PSMA3: variants seen among roughly 807,000 people sequenced by gnomAD.
PSMA3 encodes proteasome subunit alpha type-3.
In PSMA3, 8 loss-of-function variants were observed where a neutral mutation model predicts 40.0. The ratio of observed to expected loss-of-function variants is 0.20; its 90% CI spans 0.12 to 0.36. PSMA3 has a LOEUF of 0.36. Among genes scored for constraint, PSMA3 ranks in the 10% least tolerant of loss-of-function variants. PSMA3 has a pLI of 1.00. For missense variants in PSMA3, 219 were observed against 310.6 expected, an observed-to-expected ratio of 0.70 and a Z score of 2.22; for synonymous variants, 110 against 100.0, an observed-to-expected ratio of 1.10 and a Z score of -0.59.
chr14:58,270,137 TGCCCA>T, intron 8 of PSMA3: 1 of 287,218 alleles, frequency 3.5e-6, no homozygotes. Flanking sequence ...TGAGCCACTG[TGCCCA>T]GCCAAGTTAT....
At position 58,263,732 on chromosome 14, in the gene PSMA3, G is replaced by A; in HGVS notation, c.505G>A (p.Ala169Thr). 6.2e-7 allele frequency: 1 copy of A among 1,613,856 alleles called. No individual in the cohort carries two copies. Among genetic ancestry groups the A allele is most frequent in the Non-Finnish European group, 8.5e-7 (1 of 1,179,940 alleles). The part of the protein sequence containing the change: ...YGYWGCAIGK[A>T]RQAAKTEIEK... Reference sequence around the variant, plus strand: ...TTATTGGGGCTGTGCCATCGGCAAAGCCAGGCAAGCTGCAAAGACGGAAAT... The same window carrying A: ...TTATTGGGGCTGTGCCATCGGCAAAACCAGGCAAGCTGCAAAGACGGAAAT... Residue 169 changes from alanine (A) to threonine (T), a missense_variant, in exon 7 of 11, where the codon GCC becomes ACC. Ala to Thr is a moderately conservative substitution (Grantham distance 58). Coordinates refer to ENST00000216455, the MANE Select transcript of PSMA3 (RefSeq NM_002788.4).
At chr14:58,271,388 G>A (rs1890619535) in intron 10 of PSMA3, among the ~76,000 whole-genome samples, 1 of 136,762 alleles carries the variant, frequency 7.3e-6, no homozygotes, top group Non-Finnish European at 1.5e-5. Context: ...GGAGGGCAGT[G>A]GCACCATCTC....
At chr14:58,251,799 T>G (rs1458418421) in intron 2 of PSMA3, among the ~76,000 whole-genome samples, 1 of 152,240 alleles carries the variant, frequency 6.6e-6, no homozygotes, top group Non-Finnish European at 1.5e-5. Context: ...CATGAATTTA[T>G]GTCAACATTT....
Position 58,249,481 on chromosome 14 carries a change from C to T in PSMA3, c.104+1649C>T, listed in dbSNP as rs138915379. 9.9e-5 allele frequency among the ~76,000 whole-genome samples: 15 copies of T among 152,200 alleles called. No individual in the cohort carries two copies. The East Asian group carries it at 1.9e-3, about 20-fold the overall frequency. ...ATGGGATTACAGGTGTGAGTCACTG[C>T]GCCTGGCTTATTATTCCTTTTTTTT... On this transcript the variant is annotated intron_variant, in intron 2 of 10. Transcript: ENST00000216455.
chr14:58,271,742 G>A (rs971421333), intron 10 of PSMA3, 109 bp from the exon 11 acceptor site: 5 of 741,928 alleles, frequency 6.7e-6, no homozygotes, highest in Admixed American at 4.7e-5. Context: ...TCAGTTACAA[G>A]TAGAGGAATT....
intron 6 of PSMA3, among the ~76,000 whole-genome samples, chr14:58,262,791 G>A (rs1490664776): frequency 6.6e-6 from 1 of 151,470 alleles, no homozygotes; most frequent in Non-Finnish European, 1.5e-5. Context: ...TGGAACTCCT[G>A]GCCTCAAGTG....
intron 2 of PSMA3, 90 bp downstream of exon 2, chr14:58,247,922 T>C: frequency 6.3e-6 from 5 of 789,276 alleles, no homozygotes; most frequent in Non-Finnish European, 1.0e-5. Context: ...TGGTACAAAT[T>C]AGTATATGTC....
chr14:58,251,803 A>G (rs1487179446), intron 2 of PSMA3, among the ~76,000 whole-genome samples: 3 of 152,158 alleles, frequency 2.0e-5, no homozygotes, highest in Non-Finnish European at 4.4e-5. Context: ...AATTTATGTC[A>G]ACATTTGTTT....
chr14:58,259,121 G>C (rs558112906), intron 5 of PSMA3, among the ~76,000 whole-genome samples: 1 of 151,820 alleles, frequency 6.6e-6, no homozygotes, highest in Non-Finnish European at 1.5e-5. Flanking sequence ...TTGTAGAGAC[G>C]GGGTCTCACC....
intron 2 of PSMA3, among the ~76,000 whole-genome samples, chr14:58,248,709 C>T (rs552623265): frequency 1.9e-4 from 29 of 151,814 alleles, no homozygotes; most frequent in South Asian, 4.2e-4. Flanking sequence ...AATCCCAGCA[C>T]TTTGGGAGGC....
At chr14:58,247,442 C>T (rs187260693) in intron 1 of PSMA3, among the ~76,000 whole-genome samples, 3 of 152,138 alleles carry the variant, frequency 2.0e-5, no homozygotes, top group South Asian at 2.1e-4. Flanking sequence ...TTTAAATGTT[C>T]GAACTCCAGT....
Position 58,261,381 on chromosome 14 carries a change from G to T in PSMA3, c.477+361G>T, listed in dbSNP as rs1890276140. Among the ~76,000 whole-genome samples, 4 of 151,996 alleles carry T rather than the reference G, an allele frequency of 2.6e-5. No individual in the cohort carries two copies. The South Asian group carries it at 8.3e-4, about 31-fold the overall frequency. ...TTTAGTAGAAACAGGCCTTTGCCATGTTGGCCAGACTGGTCTTGAATTCCA... is the reference window on the plus strand; with the variant it reads ...TTTAGTAGAAACAGGCCTTTGCCATTTTGGCCAGACTGGTCTTGAATTCCA... On this transcript the variant is annotated intron_variant, in intron 6 of 10. Transcript: ENST00000216455.
intron 9 of PSMA3, 85 bp from the exon 10 acceptor site, chr14:58,270,841 AGATATGTG>A (rs1235121228): frequency 9.4e-7 from 1 of 1,062,532 alleles, no homozygotes; most frequent in African/African-American, 1.6e-5. Flanking sequence ...TAGGTGAGTC[AGATATGTG>A]GATTGGGTAG....
intron 1 of PSMA3, chr14:58,245,216 C>T: frequency 2.1e-6 from 1 of 472,314 alleles, no homozygotes; most frequent in Non-Finnish European, 3.9e-6. Context: ...TGCTGAGTCA[C>T]TTTCTTCAGC....
intron 1 of PSMA3, among the ~76,000 whole-genome samples, chr14:58,245,850 A>G (rs2140076064): frequency 6.6e-6 from 1 of 152,344 alleles, no homozygotes; most frequent in Admixed American, 6.5e-5. Flanking sequence ...GGTGTTCTAA[A>G]TTTGATAATA....
At chr14:58,252,658 AT>A (rs1890038555) in intron 3 of PSMA3, among the ~76,000 whole-genome samples, 1 of 152,158 alleles carries the variant, frequency 6.6e-6, no homozygotes, top group African/African-American at 2.4e-5. Context: ...GAACACATCC[AT>A]AATAGTTTCA....
intron 3 of PSMA3, among the ~76,000 whole-genome samples, chr14:58,256,385 T>G (rs1268879389): frequency 6.6e-5 from 10 of 151,874 alleles, no homozygotes; most frequent in Admixed American, 5.9e-4. Context: ...ATCTGAAAAT[T>G]CAAAATCCAA....
intron 8 of PSMA3, 172 bp downstream of exon 8, chr14:58,267,692 C>T (rs1305500611): frequency 1.7e-6 from 2 of 1,184,854 alleles, no homozygotes; most frequent in Non-Finnish European, 2.1e-6. Context: ...TGTTTTTAAG[C>T]AATATTTTTT....
chr14:58,269,517 C>T (rs1023752769), intron 8 of PSMA3: 1 of 152,068 alleles, frequency 6.6e-6, no homozygotes, highest in Non-Finnish European at 1.5e-5. Context: ...ACTGCAGCCC[C>T]TACCTCCTGG....
Sources: gnomAD v4.1 joint callset for allele counts (sites outside exome capture counted in the v4.1 genomes callset) on GRCh38, gnomAD v4.1.1 for gene constraint, MANE v1.5 for transcripts, NCBI Gene and HGNC (gene_info 2026-07-23, HGNC 2026-07-21) for gene names.